Variants in SLC38A9 observed in about 807,000 individuals in gnomAD.
The protein encoded by SLC38A9 is neutral amino acid transporter 9.
A neutral mutation model predicts 62.3 loss-of-function variants in SLC38A9; 48 were observed. The observed-to-expected ratio is 0.77, with a 90% CI of 0.61 to 0.98. The LOEUF is 0.98. Ranked by LOEUF, SLC38A9 falls within the 50% of genes least tolerant of loss-of-function variation. The pLI, the probability that SLC38A9 is intolerant of heterozygous loss-of-function variation, is 0.00. For missense variants in SLC38A9, 541 were observed against 679.8 expected (o/e 0.80, Z 2.27); for synonymous variants, 204 against 227.7 (o/e 0.90, Z 0.94).
intron 10 of SLC38A9, among the ~76,000 whole-genome samples, 172 bp downstream of exon 10, chr5:55,652,357 C>CAAAAAAA (rs60557392): frequency 1.2e-3 from 65 of 55,852 alleles, no homozygotes; most frequent in East Asian, 2.3e-3. Context: ...AACTCCGTCT[C>CAAAAAAA]AAAAAAAAAA....
chr5:55,626,501 A>C lies in SLC38A9; in HGVS notation c.1679T>G (p.Phe560Cys). 6.2e-7 allele frequency: 1 copy of C among 1,611,034 alleles called. No individual in the cohort carries two copies. The highest frequency in any genetic ancestry group is 8.5e-7 in the Non-Finnish European group (1 of 1,178,942). The change falls in exon 16 of 16, where the codon TTT becomes TGT. Residue 560 changes from phenylalanine to cysteine, a missense_variant. Phe to Cys is a radical substitution (Grantham distance 205). Transcript: ENST00000396865. ...LGVANLIVQF[F>C]M Reference sequence around the variant, plus strand: ...AAAAACAGTTGAGGTATTTCACATAAAAAACTGAACAATCAGGTTAGCCAC... The same window carrying C: ...AAAAACAGTTGAGGTATTTCACATACAAAACTGAACAATCAGGTTAGCCAC...
chr5:55,687,854 T>C (rs540231360), intron 3 of SLC38A9, among the ~76,000 whole-genome samples: 3 of 152,182 alleles, frequency 2.0e-5, no homozygotes, highest in South Asian at 4.2e-4. Flanking sequence ...CGTGTCACCA[T>C]GTCCGGCTAA....
At chr5:55,689,242 A>C (rs913375134) in intron 3 of SLC38A9, among the ~76,000 whole-genome samples, 1 of 152,236 alleles carries the variant, frequency 6.6e-6, no homozygotes, top group East Asian at 1.9e-4. Flanking sequence ...TACAGAAAAC[A>C]TATCTCCTAA....
At chr5:55,676,329 C>A (rs183548395) in intron 3 of SLC38A9, among the ~76,000 whole-genome samples, 40 of 152,220 alleles carry the variant, frequency 2.6e-4, no homozygotes, top group African/African-American at 9.4e-4. Flanking sequence ...GCGTACACCA[C>A]CATGCCCGTC....
chr5:55,681,988 G>C (rs1753077775), intron 3 of SLC38A9, among the ~76,000 whole-genome samples: 1 of 151,978 alleles, frequency 6.6e-6, no homozygotes, highest in African/African-American at 2.4e-5. Context: ...GTCCTTTATA[G>C]AAAAAAATTT....
chr5:55,640,994 G>A (rs764684816), intron 12 of SLC38A9, among the ~76,000 whole-genome samples: 3 of 151,862 alleles, frequency 2.0e-5, no homozygotes, highest in Admixed American at 6.6e-5. Flanking sequence ...GTGCCACCAC[G>A]CCCAGCTAAT....
rs190589579 is a variant in SLC38A9, at chr5:55,692,857, T to C, written c.113+4989A>G. ...TCATTAGTGCTTATATTTACTGACA[T>C]TGGATTATATAAGTAAGAATCAAAA... On this transcript the variant is annotated intron_variant, in intron 3 of 15. Coordinates refer to ENST00000396865, the MANE Select transcript of SLC38A9 (RefSeq NM_173514.4). 7.8e-4 allele frequency: 768 copies of C among 979,126 alleles called. 10 individuals carry two copies. In the African/African-American group the frequency reaches 0.013, roughly 17 times the overall value. 60.7% of individuals were successfully genotyped at this position (979,126 alleles called of 1,614,324 possible).
chr5:55,697,933 C>A lies in SLC38A9; in HGVS notation c.26G>T (p.Arg9Met). Residue 9 changes from arginine to methionine, a missense_variant, in exon 3 of 16, where the codon AGG (arginine) becomes ATG (methionine). Arg to Met is a moderately conservative substitution (Grantham distance 91). Coordinates refer to ENST00000396865, the MANE Select transcript of SLC38A9 (RefSeq NM_173514.4). MANMNSDS[R>M]HLGTSEVDHE... ...ATCTACCTCAGAGGTGCCAAGATGCCTAGAATCACTATTCATATTTGCCAT... is the reference window on the plus strand; with the variant it reads ...ATCTACCTCAGAGGTGCCAAGATGCATAGAATCACTATTCATATTTGCCAT... 7 of 1,599,224 alleles carry A rather than the reference C, an allele frequency of 4.4e-6. No individual in the cohort carries two copies. Among genetic ancestry groups the A allele is most frequent in the Non-Finnish European group, 6.0e-6 (7 of 1,173,564 alleles).
rs6877985 is a variant in SLC38A9 at position 55,677,198 on chromosome 5, T to G, written c.114-4503A>C. 8.8e-4 allele frequency among the ~76,000 whole-genome samples: 134 copies of G among 152,202 alleles called. 1 individual carries two copies. Among genetic ancestry groups the G allele is most frequent in the African/African-American group, 3.2e-3 (131 of 41,526 alleles). ...AAGTGTAACAATGTTTAGAAATCAG[T>G]GAAATTAAATACTCAACATACTTCA... On this transcript the variant is annotated intron_variant, in intron 3 of 15. Coordinates refer to ENST00000396865, the MANE Select transcript of SLC38A9 (RefSeq NM_173514.4).
At chr5:55,701,732 T>G (rs1477487424) in intron 2 of SLC38A9, among the ~76,000 whole-genome samples, 1 of 152,240 alleles carries the variant, frequency 6.6e-6, no homozygotes, top group Non-Finnish European at 1.5e-5. Flanking sequence ...AAATAGGTTT[T>G]AACATGTAAA....
At chr5:55,691,817 AAGT>A (rs1440215078) in intron 3 of SLC38A9, among the ~76,000 whole-genome samples, 1 of 152,152 alleles carries the variant, frequency 6.6e-6, no homozygotes, top group Non-Finnish European at 1.5e-5. Flanking sequence ...GCAGAATAAA[AAGT>A]AGGCCTGCAT....
intron 2 of SLC38A9, among the ~76,000 whole-genome samples, chr5:55,699,285 CTGACCACA>C (rs1756337326): frequency 6.6e-6 from 1 of 152,140 alleles, no homozygotes; most frequent in South Asian, 2.1e-4. Context: ...CCCAAAACTA[CTGACCACA>C]TCATGTGTGT....
At chr5:55,705,710 CT>C (rs35776949) in intron 2 of SLC38A9, among the ~76,000 whole-genome samples, 85,319 of 141,132 alleles carry the variant, frequency 0.6, 25,021 homozygotes, top group South Asian at 0.68. Context: ...GCCTTAAACT[CT>C]TTTTTTTTTT....
rs1306931802 is a variant in SLC38A9, at chr5:55,656,734, A to G, written c.738T>C (p.Ser246=). ...HHINDTDTIL[S]TNNSNPVICP... is the part of the protein sequence containing the mutation. ...ACTTACCAGGGTTGCTATTATTGGT[A>G]CTCAGTATAGTGTCTGTGTCATTAA... Residue 246 remains serine (S), a synonymous_variant, in exon 9 of 16, where the codon AGT becomes AGC. Transcript: ENST00000396865. 6.3e-7 allele frequency: 1 copy of G among 1,599,330 alleles called. No homozygotes were observed. The highest frequency in any genetic ancestry group is 8.6e-7 in the Non-Finnish European group (1 of 1,167,686).
rs987072074 is a variant in SLC38A9, at chr5:55,626,030, G to A, written c.*464C>T. The A allele has an allele frequency of 6.5e-6, 1 of 153,440 alleles. No homozygotes were observed. Among genetic ancestry groups the A allele is most frequent in the African/African-American group, 2.4e-5 (1 of 41,420 alleles). The allele number at this position is 153,440 out of a possible 1,614,324, so 9.5% of individuals were successfully genotyped here. On this transcript the variant is annotated 3_prime_UTR_variant, in exon 16 of 16. Transcript: ENST00000396865. ...TTAAAAATGAGGTATTTGGCTTACT[G>A]TCCCAAACAGTAGAGGTTTGGGCAA... is the stretch of plus-strand genomic sequence containing the variant.
rs1263565696 is a variant in SLC38A9, at chr5:55,652,702, C to T, written c.779G>A (p.Ser260Asn). Reference sequence around the variant, plus strand: ...AGAGCTGTTGTCAGGATGGCCTCCACTCCCGGCACTTGGACAAATCACTGC... The same window carrying T: ...AGAGCTGTTGTCAGGATGGCCTCCATTCCCGGCACTTGGACAAATCACTGC... Reference protein sequence around the residue: ...SNPVICPSAGSGGHPDNSSMI... With the variant: ...SNPVICPSAGNGGHPDNSSMI... Residue 260 changes from serine (S) to asparagine (N), a missense_variant, in exon 10 of 16, where the codon AGT becomes AAT. By Grantham distance (46) the Ser-to-Asn change is conservative (BLOSUM62 1). Transcript: ENST00000396865. The T allele has an allele frequency of 6.2e-7, 1 of 1,612,434 alleles. No individual in the cohort carries two copies. The highest frequency in any genetic ancestry group is 1.3e-5 in the African/African-American group (1 of 74,832).
intron 9 of SLC38A9, among the ~76,000 whole-genome samples, chr5:55,655,642 T>G (rs1263216809): frequency 6.6e-6 from 1 of 152,174 alleles, no homozygotes. Flanking sequence ...GAATGTAAAC[T>G]TCATGAGAGG....
At chr5:55,671,357 T>A (rs1751287757) in intron 4 of SLC38A9, among the ~76,000 whole-genome samples, 3 of 151,952 alleles carry the variant, frequency 2.0e-5, no homozygotes, top group Admixed American at 6.5e-5. Context: ...ATTTTGATGA[T>A]CATAAACAAA....
chr5:55,654,567 C>T (rs1162567363), intron 9 of SLC38A9, among the ~76,000 whole-genome samples: 1 of 150,974 alleles, frequency 6.6e-6, no homozygotes, highest in Admixed American at 6.6e-5. Context: ...ATCATTGCCA[C>T]TATAGGCCAG....
Sources: allele counts gnomAD v4.1 joint callset (sites outside exome capture counted in the v4.1 genomes callset), GRCh38; gene constraint gnomAD v4.1.1; transcripts MANE v1.5; gene names NCBI Gene and HGNC (gene_info 2026-07-23, HGNC 2026-07-21).